Variants in CYRIA observed in about 807,000 individuals in gnomAD.
CYRIA encodes CYFIP-related Rac1 interactor A.
Under a neutral mutation model 43.9 loss-of-function variants are expected in CYRIA, and 15 were observed. The observed-to-expected ratio is 0.34, with a 90% CI of 0.23 to 0.53. CYRIA has a LOEUF of 0.53. Among genes scored for constraint, CYRIA ranks in the 20% least tolerant of loss-of-function variants. CYRIA has a pLI of 0.94. For missense variants in CYRIA, 236 were observed against 394.2 expected, an observed-to-expected ratio of 0.60 and a Z score of 3.40; for synonymous variants, 117 against 136.0, an observed-to-expected ratio of 0.86 and a Z score of 0.97.
At chr2:16,653,065 T>C (rs1002333265) in intron 1 of CYRIA, among the ~76,000 whole-genome samples, 4 of 152,214 alleles carry the variant, frequency 2.6e-5, no homozygotes, top group East Asian at 1.9e-4. Context: ...GACCCTTTGC[T>C]ATGTGCTGGG....
intron 1 of CYRIA, among the ~76,000 whole-genome samples, chr2:16,662,753 T>C (rs1670292120): frequency 6.6e-6 from 1 of 152,200 alleles, no homozygotes. Context: ...GAAGGACAAA[T>C]GTATTTCAGC....
intron 6 of CYRIA, 98 bp from the exon 7 acceptor site, chr2:16,561,631 G>A: frequency 2.2e-6 from 2 of 908,768 alleles, no homozygotes; most frequent in Non-Finnish European, 3.5e-6. Flanking sequence ...AAATACTCCA[G>A]GACTTCTCTT....
intron 2 of CYRIA, among the ~76,000 whole-genome samples, chr2:16,602,268 T>C (rs1668240605): frequency 6.6e-6 from 1 of 152,188 alleles, no homozygotes; most frequent in African/African-American, 2.4e-5. Context: ...CCAGAATCTA[T>C]AATCTTTAGC....
intron 3 of CYRIA, among the ~76,000 whole-genome samples, chr2:16,576,833 TAAAA>T (rs574269535): frequency 6.6e-5 from 10 of 152,070 alleles, no homozygotes; most frequent in Non-Finnish European, 1.2e-4. Context: ...TATTCAGTCT[TAAAA>T]AAAGAAGGAA....
intron 1 of CYRIA, among the ~76,000 whole-genome samples, chr2:16,635,973 G>A (rs1018631789): frequency 1.3e-5 from 2 of 152,188 alleles, no homozygotes; most frequent in East Asian, 1.9e-4. Context: ...TAAGAAACGC[G>A]ACCGACATTG....
chr2:16,631,442 T>C (rs78806358), intron 1 of CYRIA, among the ~76,000 whole-genome samples: 2,871 of 152,264 alleles, frequency 0.019, 97 homozygotes, highest in African/African-American at 0.066. Flanking sequence ...GTGGAGGACT[T>C]TACACATACT....
intron 10 of CYRIA, among the ~76,000 whole-genome samples, chr2:16,558,119 A>C (rs1030270830): frequency 6.6e-6 from 1 of 152,156 alleles, no homozygotes; most frequent in Non-Finnish European, 1.5e-5. Flanking sequence ...GTACACATGC[A>C]TGCTGCTGTA....
At chr2:16,647,125 G>C (rs1669844037) in intron 1 of CYRIA, among the ~76,000 whole-genome samples, 1 of 152,198 alleles carries the variant, frequency 6.6e-6, no homozygotes, top group African/African-American at 2.4e-5. Context: ...GAAGAACCCA[G>C]ATTAATGCAT....
intron 1 of CYRIA, among the ~76,000 whole-genome samples, chr2:16,640,163 C>A (rs1669630767): frequency 1.3e-5 from 2 of 152,204 alleles, no homozygotes; most frequent in South Asian, 4.1e-4. Context: ...GGGGAAAAAT[C>A]CACACTTTTA....
At chr2:16,587,411 A>G (rs918710673) in intron 3 of CYRIA, among the ~76,000 whole-genome samples, 1 of 152,144 alleles carries the variant, frequency 6.6e-6, no homozygotes, top group African/African-American at 2.4e-5. Flanking sequence ...AAAGGAAAGC[A>G]AAGACTAAAA....
intron 2 of CYRIA, among the ~76,000 whole-genome samples, chr2:16,616,179 C>T (rs991040506): frequency 1.3e-4 from 20 of 152,142 alleles, no homozygotes; most frequent in Non-Finnish European, 2.6e-4. Context: ...ACGGTGGGAA[C>T]CCGCCACTTG....
At chr2:16,635,240 A>G (rs982749101) in intron 1 of CYRIA, among the ~76,000 whole-genome samples, 9 of 152,176 alleles carry the variant, frequency 5.9e-5, no homozygotes, top group African/African-American at 2.2e-4. Flanking sequence ...CCCTTAACAG[A>G]GACCTACTTT....
intron 2 of CYRIA, among the ~76,000 whole-genome samples, chr2:16,602,232 T>G (rs74809983): frequency 0.062 from 9,425 of 152,266 alleles, 316 homozygotes; most frequent in Middle Eastern, 0.095. Flanking sequence ...TAGATTTTCT[T>G]ATCATTTTGA....
intron 2 of CYRIA, among the ~76,000 whole-genome samples, chr2:16,602,358 C>T (rs1174764594): frequency 6.6e-6 from 1 of 152,072 alleles, no homozygotes; most frequent in African/African-American, 2.4e-5. Context: ...AGTCCTGACT[C>T]ATCCAATTTT....
chr2:16,582,396 ATAAT>A (rs1280453162), intron 3 of CYRIA, among the ~76,000 whole-genome samples: 1 of 152,214 alleles, frequency 6.6e-6, no homozygotes. Context: ...TTTAAAGTGC[ATAAT>A]TAAACAGTTT....
chr2:16,586,655 A>C lies in CYRIA; in HGVS notation c.70+1395T>G, dbSNP rs867001369. 4.4e-3 allele frequency among the ~76,000 whole-genome samples: 673 copies of C among 152,142 alleles called. 3 individuals carry two copies. The highest frequency in any genetic ancestry group is 7.0e-3 in the Non-Finnish European group (476 of 67,974). On this transcript the variant is annotated intron_variant, in intron 3 of 11. Transcript: ENST00000381323. ...AAAACCTGCCAAAGACACCAAAAAAAAAAAAAATACACCTACGGAGCTTAC... is the reference window on the plus strand; with the variant it reads ...AAAACCTGCCAAAGACACCAAAAAACAAAAAAATACACCTACGGAGCTTAC...
At chr2:16,646,975 C>T (rs1484139927) in intron 1 of CYRIA, among the ~76,000 whole-genome samples, 1 of 152,230 alleles carries the variant, frequency 6.6e-6, no homozygotes, top group African/African-American at 2.4e-5. Context: ...GATCAGCTCT[C>T]CTGGGTCTCC....
At chr2:16,568,797 C>T (rs1294686747) in intron 3 of CYRIA, among the ~76,000 whole-genome samples, 2 of 152,168 alleles carry the variant, frequency 1.3e-5, no homozygotes, top group African/African-American at 2.4e-5. Flanking sequence ...GAAGAAGGCA[C>T]TCTGAGGCCA....
intron 3 of CYRIA, among the ~76,000 whole-genome samples, chr2:16,576,106 T>C (rs1667336814): frequency 1.3e-5 from 2 of 152,230 alleles, no homozygotes; most frequent in South Asian, 2.1e-4. Flanking sequence ...AGTAGACTAA[T>C]ACAGCCTATT....
Sources: allele counts gnomAD v4.1 joint callset (sites outside exome capture counted in the v4.1 genomes callset), GRCh38; gene constraint gnomAD v4.1.1; transcripts MANE v1.5; gene names NCBI Gene and HGNC (gene_info 2026-07-23, HGNC 2026-07-21).